The following RARB variants were observed in gnomAD, a reference collection of about 807,000 sequenced individuals.
RARB encodes the protein retinoic acid receptor beta.
In RARB, 17 loss-of-function variants were observed where a neutral mutation model predicts 51.9. The ratio of observed to expected loss-of-function variants is 0.33; its 90% CI spans 0.22 to 0.49. The LOEUF (loss-of-function observed/expected upper bound fraction) is 0.49, where lower values mean the gene tolerates loss of function less well. Among genes scored for constraint, RARB ranks in the 20% least tolerant of loss-of-function variants. RARB has a pLI of 0.99. For missense variants in RARB, 369 were observed against 550.8 expected, an observed-to-expected ratio of 0.67 and a Z score of 3.30; for synonymous variants, 215 against 195.4, an observed-to-expected ratio of 1.10 and a Z score of -0.84.
At chr3:25,429,076 C>G (rs183688101) in intron 1 of RARB, among the ~76,000 whole-genome samples, 188 bp downstream of exon 1, 1 of 152,216 alleles carries the variant, frequency 6.6e-6, no homozygotes, top group Admixed American at 6.5e-5. Flanking sequence ...TAGATGTTTT[C>G]TTCCCAAATA....
chr3:24,933,099 CAT>C (rs1559401580), intron 2 of RARB, among the ~76,000 whole-genome samples: 1 of 151,940 alleles, frequency 6.6e-6, no homozygotes, highest in African/African-American at 2.4e-5. Context: ...AGGGAGAAAA[CAT>C]AATTCAGCAG....
At chr3:25,230,538 C>T (rs550097215) in intron 5 of RARB, among the ~76,000 whole-genome samples, 288 of 151,894 alleles carry the variant, frequency 1.9e-3, no homozygotes, top group Non-Finnish European at 2.5e-3. Context: ...GTTATATTTT[C>T]CCACTGATCA....
At chr3:24,864,459 A>G (rs1435557777) in intron 2 of RARB, among the ~76,000 whole-genome samples, 2 of 152,092 alleles carry the variant, frequency 1.3e-5, no homozygotes, top group Non-Finnish European at 2.9e-5. Context: ...TGCACATGCC[A>G]TTTTAGTAAG....
chr3:25,297,479 G>T (rs951200226), intron 5 of RARB, among the ~76,000 whole-genome samples: 1 of 132,698 alleles, frequency 7.5e-6, no homozygotes, highest in Non-Finnish European at 1.5e-5. Flanking sequence ...CTGGTCAAAG[G>T]TATTCCTGCT....
chr3:25,097,634 ACAT>A (rs988933217), intron 3 of RARB, among the ~76,000 whole-genome samples: 1 of 152,144 alleles, frequency 6.6e-6, no homozygotes, highest in African/African-American at 2.4e-5. Context: ...GCCTAGTGAG[ACAT>A]CATCTCTAAA....
At chr3:25,147,076 G>A (rs779944503) in intron 4 of RARB, among the ~76,000 whole-genome samples, 2 of 152,166 alleles carry the variant, frequency 1.3e-5, no homozygotes, top group Non-Finnish European at 2.9e-5. Context: ...TGAGCAGCCA[G>A]GGTGGGGAAT....
chr3:25,456,955 T>C (rs1326089856), intron 1 of RARB, among the ~76,000 whole-genome samples: 2 of 152,128 alleles, frequency 1.3e-5, no homozygotes, highest in Admixed American at 1.3e-4. Flanking sequence ...TCTCCTGGGA[T>C]AAATAAGGCC....
intron 5 of RARB, among the ~76,000 whole-genome samples, chr3:25,345,323 C>T (rs11129196): frequency 6.6e-6 from 1 of 151,846 alleles, no homozygotes; most frequent in Non-Finnish European, 1.5e-5. Flanking sequence ...TTTTCCTTTT[C>T]GGCTGTTGTG....
At chr3:25,554,649 A>G (rs540886059) in intron 3 of RARB, among the ~76,000 whole-genome samples, 1 of 152,318 alleles carries the variant, frequency 6.6e-6, no homozygotes, top group East Asian at 1.9e-4. Context: ...TAACCCTCAC[A>G]GTGCCGGGCA....
intron 2 of RARB, among the ~76,000 whole-genome samples, chr3:24,955,592 G>T (rs887631773): frequency 6.6e-6 from 1 of 152,150 alleles, no homozygotes; most frequent in African/African-American, 2.4e-5. Context: ...CCTGACAAAA[G>T]GCAGATTAAT....
At chr3:25,485,896 A>T (rs1432139114) in intron 2 of RARB, among the ~76,000 whole-genome samples, 4 of 152,128 alleles carry the variant, frequency 2.6e-5, no homozygotes, top group African/African-American at 7.2e-5. Flanking sequence ...AAAGGTCAGG[A>T]GTTCAATTTG....
upstream of RARB, among the ~76,000 whole-genome samples, chr3:25,427,235 C>CG (rs1197069473): frequency 1.3e-5 from 2 of 152,108 alleles, no homozygotes; most frequent in East Asian, 3.9e-4. Context: ...CTCATCTCCC[C>CG]GGGGTTTTGT....
chr3:25,141,654 T>C (rs567665653), intron 4 of RARB, among the ~76,000 whole-genome samples: 1 of 152,328 alleles, frequency 6.6e-6, no homozygotes, highest in African/African-American at 2.4e-5. Flanking sequence ...TTTCACAGTT[T>C]AGTTATAAAT....
At position 25,418,845 on chromosome 3, in the gene RARB, G is replaced by T. The variant is rs142709064; in HGVS notation, c.179-42348G>T. 5.3e-5 allele frequency among the ~76,000 whole-genome samples: 8 copies of T among 151,262 alleles called. No individual in the cohort carries two copies. The East Asian group carries it at 1.6e-3, about 30-fold the overall frequency. The stretch of plus-strand genomic sequence containing the variant: ...TTCTGAAGGCAAGTTAGGGTGATAA[G>T]ATAACAGGGGTGGTCAGTTACTATA... On this transcript the variant is annotated intron_variant, in intron 5 of 11. Coordinates refer to the RARB transcript ENST00000383772.
chr3:25,397,676 C>G (rs1707152844), intron 5 of RARB, among the ~76,000 whole-genome samples: 1 of 152,166 alleles, frequency 6.6e-6, no homozygotes, highest in Admixed American at 6.5e-5. Context: ...CTGTTCCAAG[C>G]ATACATATAT....
chr3:24,883,393 T>TGTGTGTGTGC (rs1703210089), intron 2 of RARB, among the ~76,000 whole-genome samples: 1 of 149,482 alleles, frequency 6.7e-6, no homozygotes, highest in South Asian at 2.1e-4. Context: ...TGTGTGTGTG[T>TGTGTGTGTGC]GTTTAAACCA....
intron 5 of RARB, among the ~76,000 whole-genome samples, chr3:25,367,939 T>C (rs899248534): frequency 6.6e-6 from 1 of 152,152 alleles, no homozygotes; most frequent in South Asian, 2.1e-4. Flanking sequence ...CAATACTGTT[T>C]CATGCACTGG....
intron 5 of RARB, among the ~76,000 whole-genome samples, chr3:25,581,185 G>T (rs1366856356): frequency 6.6e-6 from 1 of 152,212 alleles, no homozygotes; most frequent in Non-Finnish European, 1.5e-5. Context: ...CTAAGTGGGA[G>T]TGCGTTCGTG....
chr3:25,378,471 T>C (rs922259922), intron 5 of RARB, among the ~76,000 whole-genome samples: 10 of 152,150 alleles, frequency 6.6e-5, no homozygotes, highest in African/African-American at 2.4e-4. Flanking sequence ...TAATGGACAT[T>C]TGCTTTCAAC....
Sources: gnomAD v4.1 joint callset for allele counts (sites outside exome capture counted in the v4.1 genomes callset) on GRCh38, gnomAD v4.1.1 for gene constraint, MANE v1.5 for transcripts, NCBI Gene and HGNC (gene_info 2026-07-23, HGNC 2026-07-21) for gene names.